The following CDC25B variants were observed in gnomAD, a reference collection of about 807,000 sequenced individuals.
CDC25B encodes cell division cycle 25B.
In CDC25B, 33 loss-of-function variants were observed where a neutral mutation model predicts 69.8. The observed-to-expected ratio is 0.47, with a 90% CI of 0.36 to 0.63. CDC25B has a LOEUF of 0.63. Among genes scored for constraint, CDC25B ranks in the 30% least tolerant of loss-of-function variants. The probability of loss-of-function intolerance (pLI) is 0.00; values close to 1 mark genes in which losing one functional copy is unlikely to be tolerated. For missense variants in CDC25B, 727 were observed against 809.1 expected, an observed-to-expected ratio of 0.90 and a Z score of 1.23; for synonymous variants, 341 against 314.6, an observed-to-expected ratio of 1.08 and a Z score of -0.89.
exon 1 of CDC25B, chr20:3,786,962 G>T: frequency 9.9e-6 from 5 of 502,628 alleles, no homozygotes; most frequent in Non-Finnish European, 1.7e-5. Flanking sequence ...GGGACGCGGT[G>T]CATCGCTACT....
In CDC25B at chr20:3,801,298, C is replaced by G; in HGVS notation, c.750C>G (p.Pro250=). 1 of 1,614,154 alleles carries G rather than the reference C, an allele frequency of 6.2e-7. No individual in the cohort carries two copies. The highest frequency in any genetic ancestry group is 8.5e-7 in the Non-Finnish European group (1 of 1,180,016). ...DRKMEVEELS[P]LALGRFSLTP... ...AGATGGAAGTGGAGGAGCTCAGCCC[C>G]CTGGCCCTAGGTCGCTTCTCTCTGA... The change falls in exon 8 of 16, where the codon CCC becomes CCG. Residue 250 remains proline, a synonymous_variant. Transcript: ENST00000245960.
rs2089432857 is a variant in CDC25B at position 3,805,073 on chromosome 20, A to G, written c.*112A>G. ...GGAGGCCTCAGGTGCTGTCCATGGG[A>G]AAGATGGTGTGGGTGTCCTGCCTGT... is the stretch of plus-strand genomic sequence containing the variant. On this transcript the variant is annotated 3_prime_UTR_variant, in exon 16 of 16. Coordinates refer to ENST00000245960, the MANE Select transcript of CDC25B (RefSeq NM_021873.4). 8.8e-7 allele frequency: 1 copy of G among 1,140,088 alleles called. No individual in the cohort carries two copies. Among genetic ancestry groups the G allele is most frequent in the African/African-American group, 1.6e-5 (1 of 64,326 alleles). The allele number at this position is 1,140,088 out of a possible 1,614,324, so 70.6% of individuals were successfully genotyped here. A position where few individuals can be genotyped will look rare whatever the true frequency, so the allele number is the denominator to read the frequency against.
chr20:3,800,446 C>T lies in CDC25B; in HGVS notation c.423-16C>T. The T allele has an allele frequency of 6.2e-7, 1 of 1,614,176 alleles. No individual in the cohort carries two copies. The highest frequency in any genetic ancestry group is 1.1e-5 in the South Asian group (1 of 91,078). ...TGCCTCTCCCAGCTCTCACCTGTCC[C>T]CATTTCCTCCTGTAGCGAGCAGTTT... On this transcript the variant is annotated splice_polypyrimidine_tract_variant and intron_variant, in intron 4 of 15. Transcript: ENST00000245960.
At chr20:3,799,372 C>G (rs1412000979) in intron 3 of CDC25B, among the ~76,000 whole-genome samples, 3 of 152,176 alleles carry the variant, frequency 2.0e-5, no homozygotes, top group Non-Finnish European at 4.4e-5. Context: ...ATCCCTGATG[C>G]CAGGTTGGCT....
Position 3,801,971 on chromosome 20 carries a change from C to A in CDC25B, c.969C>A (p.Ser323=), listed in dbSNP as rs773896154. The change falls in exon 10 of 16, where the codon TCC becomes TCA. Residue 323 remains serine, a synonymous_variant. Transcript: ENST00000245960. The stretch of plus-strand genomic sequence containing the variant: ...GCCAGCGGCTCTTCCGCTCTCCGTC[C>A]ATGCCCTGCAGCGTGATCCGGCCCA... ...SKCQRLFRSP[S]MPCSVIRPIL... is the part of the protein sequence containing the mutation. The A allele has an allele frequency of 2.5e-6, 4 of 1,611,854 alleles. No individual in the cohort carries two copies. The highest frequency in any genetic ancestry group is 3.4e-6 in the Non-Finnish European group (4 of 1,179,078).
At chr20:3,800,143 C>A (rs1040883635) in intron 3 of CDC25B, 145 bp from the exon 4 acceptor site, 1 of 667,594 alleles carries the variant, frequency 1.5e-6, no homozygotes, top group East Asian at 2.7e-5. Flanking sequence ...TGATGGTGGG[C>A]GTTCTTCCCA....
At chr20:3,788,224 T>C (rs977026767) in intron 1 of CDC25B, among the ~76,000 whole-genome samples, 9 of 152,172 alleles carry the variant, frequency 5.9e-5, no homozygotes, top group Non-Finnish European at 1.0e-4. Context: ...CAGGCTACTG[T>C]GGCATTCTGG....
At chr20:3,794,211 A>C (rs2088968531), upstream of CDC25B, among the ~76,000 whole-genome samples, 1 of 150,520 alleles carries the variant, frequency 6.6e-6, no homozygotes, top group South Asian at 2.1e-4. Flanking sequence ...TTACAGTCCC[A>C]CCAGCGGTGT....
chr20:3,787,088 A>G, exon 1 of CDC25B: 1 of 631,550 alleles, frequency 1.6e-6, no homozygotes, highest in Non-Finnish European at 2.8e-6. Context: ...CGGAACCTGA[A>G]AAATTCAAGA....
At chr20:3,793,813 T>C (rs1352500842), upstream of CDC25B, among the ~76,000 whole-genome samples, 2 of 143,746 alleles carry the variant, frequency 1.4e-5, no homozygotes, top group Non-Finnish European at 3.0e-5. Flanking sequence ...TGTGTTCTCA[T>C]TGTTCAATTC....
chr20:3,805,850 G>A lies in CDC25B; in HGVS notation c.*889G>A. 2.5e-6 allele frequency: 1 copy of A among 405,174 alleles called. No homozygotes were observed. Among genetic ancestry groups the A allele is most frequent in the Non-Finnish European group, 4.4e-6 (1 of 227,958 alleles). The allele number at this position is 405,174 out of a possible 1,614,324, so 25.1% of individuals were successfully genotyped here. On this transcript the variant is annotated 3_prime_UTR_variant, in exon 16 of 16. Coordinates refer to ENST00000245960, the MANE Select transcript of CDC25B (RefSeq NM_021873.4). Reference sequence around the variant, plus strand: ...CCGTGGATGGCCGTGGATGCGCAGTGCCTTGCATACCCAAACCAGGTGGGA... The same window carrying A: ...CCGTGGATGGCCGTGGATGCGCAGTACCTTGCATACCCAAACCAGGTGGGA...
rs538023005 is a variant in CDC25B, at chr20:3,801,206, G to A, written c.706-48G>A. On this transcript the variant is annotated intron_variant, in intron 7 of 15. Coordinates refer to ENST00000245960, the MANE Select transcript of CDC25B (RefSeq NM_021873.4). ...AACTTTTCCTCAGGAGGATGGGGGCGGGAACTATCTCCACCTCTAAGTCTG... is the reference window on the plus strand; with the variant it reads ...AACTTTTCCTCAGGAGGATGGGGGCAGGAACTATCTCCACCTCTAAGTCTG... The A allele has an allele frequency of 5.6e-6, 9 of 1,605,012 alleles. No homozygotes were observed. The South Asian group carries it at 6.6e-5, about 12-fold the overall frequency.
intron 3 of CDC25B, among the ~76,000 whole-genome samples, chr20:3,799,686 A>G (rs1011363228): frequency 6.6e-6 from 1 of 152,026 alleles, no homozygotes; most frequent in Non-Finnish European, 1.5e-5. Flanking sequence ...GGTCCTGGAA[A>G]ATTCCATAGG....
Position 3,801,783 on chromosome 20 carries a change from T to C in CDC25B, c.902T>C (p.Leu301Ser). 1 of 1,606,134 alleles carries C rather than the reference T, an allele frequency of 6.2e-7. No homozygotes were observed. The highest frequency in any genetic ancestry group is 8.5e-7 in the Non-Finnish European group (1 of 1,176,816). ...SLISAPLVKT[L>S]EKEEEKDLVM... ...ATTAGTGCCCCACTGGTCAAGACCT[T>C]GGAAAAGGAAGAGGAAAAGGTGGGC... Residue 301 changes from leucine (L) to serine (S), a missense_variant, in exon 9 of 16, where the codon TTG becomes TCG. By Grantham distance (145) the Leu-to-Ser change is moderately radical. Around this residue, in one of 2 missense-constraint regions of CDC25B, gnomAD observed 359 missense variants for 463.4 expected, o/e 0.77. Transcript: ENST00000245960.
upstream of CDC25B, among the ~76,000 whole-genome samples, chr20:3,793,508 C>T (rs2088948736): frequency 2.0e-5 from 3 of 151,500 alleles, no homozygotes; most frequent in South Asian, 2.1e-4. Flanking sequence ...GCCCACCTCC[C>T]CCCTCACTGG....
chr20:3,796,861 A>G, intron 1 of CDC25B, 130 bp downstream of exon 1: 1 of 1,224,500 alleles, frequency 8.2e-7, no homozygotes. Flanking sequence ...AGCAGTGGAG[A>G]GGTACGCCCT....
At chr20:3,795,097 C>T (rs1251604410), upstream of CDC25B, among the ~76,000 whole-genome samples, 1 of 152,274 alleles carries the variant, frequency 6.6e-6, no homozygotes, top group East Asian at 1.9e-4. Flanking sequence ...CACAGTGGCT[C>T]GTGCGTGTAA....
In CDC25B at chr20:3,802,296, C is replaced by T. The variant is rs1420231272; in HGVS notation, c.1114C>T (p.Arg372Cys). The change falls in exon 11 of 16, where the codon CGC becomes TGC. Residue 372 changes from arginine to cysteine, a missense_variant. Around this residue, in one of 2 missense-constraint regions of CDC25B, gnomAD observed 359 missense variants for 463.4 expected, o/e 0.77. Coordinates refer to ENST00000245960, the MANE Select transcript of CDC25B (RefSeq NM_021873.4). ...EAEEPKARVL[R>C]SKSLCHDEIE... ...CACTTTCCAGAAAGCCCGCGTCCTC[C>T]GCTCAAAATCACTGTGTCACGATGA... 8 of 1,610,736 alleles carry T rather than the reference C, an allele frequency of 5.0e-6. No individual in the cohort carries two copies. Among genetic ancestry groups the T allele is most frequent in the South Asian group, 3.3e-5 (3 of 91,070 alleles).
At position 3,804,886 on chromosome 20, in the gene CDC25B, C is replaced by G. The variant is rs750680429; in HGVS notation, c.1668C>G (p.Thr556=). Residue 556 remains threonine, a synonymous_variant, in exon 16 of 16, where the codon ACC becomes ACG. Coordinates refer to ENST00000245960, the MANE Select transcript of CDC25B (RefSeq NM_021873.4). ...AGGCCTTCAAGGATGAGCTAAAGACCTTCCGCCTCAAGACTCGCAGCTGGG... is the reference window on the plus strand; with the variant it reads ...AGGCCTTCAAGGATGAGCTAAAGACGTTCCGCCTCAAGACTCGCAGCTGGG... ...NHEAFKDELK[T]FRLKTRSWAG... is the part of the protein sequence containing the mutation. 7.4e-6 allele frequency: 12 copies of G among 1,614,078 alleles called. No homozygotes were observed. The highest frequency in any genetic ancestry group is 1.0e-5 in the Non-Finnish European group (12 of 1,180,044).
Sources: allele counts gnomAD v4.1 joint callset (sites outside exome capture counted in the v4.1 genomes callset), GRCh38; gene constraint gnomAD v4.1.1; regional missense constraint gnomAD v4.1.1; transcripts MANE v1.5; gene names NCBI Gene and HGNC (gene_info 2026-07-23, HGNC 2026-07-21).